PDCL2: variants seen among roughly 807,000 people sequenced by gnomAD.
PDCL2 encodes phosducin like 2.
PDCL2 carries 23 observed loss-of-function variants against 30.3 expected under a neutral mutation model. The ratio of observed to expected loss-of-function variants is 0.76; its 90% confidence interval spans 0.55 to 1.08. The LOEUF is 1.08. Ranked by LOEUF, PDCL2 falls within the 50% of genes least tolerant of loss-of-function variation. PDCL2 has a pLI of 0.00. For missense variants in PDCL2, 243 were observed against 282.3 expected (o/e 0.86, Z 1.00); for synonymous variants, 68 against 86.2 (o/e 0.79, Z 1.17).
chr4:55,556,657 T>G lies in PDCL2; in HGVS notation c.626A>C (p.Asn209Thr), dbSNP rs1277032459. The G allele has an allele frequency of 1.3e-6, 2 of 1,570,718 alleles. No individual in the cohort carries two copies. Among genetic ancestry groups the G allele is most frequent in the African/African-American group, 2.7e-5 (2 of 74,396 alleles). ...CATATCTACCATGTCTTTTCTGGGG[T>G]TTTCTTCCAAATCAGTCTGTATTGC... ...VGAIQTDLEENPRKDMVDMMV... is the reference protein window; with the variant it reads ...VGAIQTDLEETPRKDMVDMMV... The change falls in exon 6 of 6, where the codon AAC (asparagine) becomes ACC (threonine). Residue 209 changes from asparagine to threonine, a missense_variant. Coordinates refer to ENST00000295645, the MANE Select transcript of PDCL2 (RefSeq NM_152401.3).
intron 4 of PDCL2, among the ~76,000 whole-genome samples, chr4:55,566,194 C>T (rs1038160637): frequency 3.3e-5 from 5 of 151,754 alleles, no homozygotes; most frequent in African/African-American, 1.2e-4. Context: ...GTTGGCCAGG[C>T]TGGTCTCAAA....
intron 5 of PDCL2, among the ~76,000 whole-genome samples, chr4:55,559,980 G>T (rs1732081877): frequency 6.6e-6 from 1 of 152,164 alleles, no homozygotes; most frequent in Admixed American, 6.5e-5. Flanking sequence ...AGCAAATGGA[G>T]ACTGAGGAGT....
chr4:55,580,991 C>A, intron 2 of PDCL2, 80 bp from the exon 3 acceptor site: 7 of 1,028,454 alleles, frequency 6.8e-6, no homozygotes, highest in Non-Finnish European at 9.7e-6. Context: ...AAAAAACCGT[C>A]TTATACAAAG....
In PDCL2 at chr4:55,556,840, T is replaced by TA. The variant is rs541449313; in HGVS notation, c.572-130_572-129insT. 1,727 of 866,696 alleles carry TA rather than the reference T, an allele frequency of 2.0e-3. 3 individuals carry two copies. The highest frequency in any genetic ancestry group is 2.5e-3 in the Non-Finnish European group (1,536 of 624,704). The allele number at this position is 866,696 out of a possible 1,614,324, so 53.7% of individuals were successfully genotyped here. On this transcript the variant is annotated intron_variant, in intron 5 of 5. Transcript: ENST00000295645. The stretch of plus-strand genomic sequence containing the variant: ...GATGATATATTTATTTATAGGTTTT[T>TA]TTTTCTTTTTTGAGACAGAGTCTCC...
intron 1 of PDCL2, among the ~76,000 whole-genome samples, chr4:55,582,611 C>CT (rs1203086312): frequency 3.9e-5 from 6 of 151,934 alleles, no homozygotes; most frequent in East Asian, 1.9e-4. Flanking sequence ...TTCCTTTTTT[C>CT]TTTTTTTTAT....
At chr4:55,565,675 TTTTCTACATCCCTA>T (rs1732244006) in intron 4 of PDCL2, among the ~76,000 whole-genome samples, 1 of 152,188 alleles carries the variant, frequency 6.6e-6, no homozygotes, top group Non-Finnish European at 1.5e-5. Context: ...TCAAGGATCA[TTTTCTACATCCCTA>T]TGATTGCATT....
chr4:55,560,222 GAT>G (rs1292244259), intron 5 of PDCL2, among the ~76,000 whole-genome samples: 1 of 151,112 alleles, frequency 6.6e-6, no homozygotes, highest in Non-Finnish European at 1.5e-5. Flanking sequence ...CTAAATTCGT[GAT>G]AGTTTTTGCC....
chr4:55,591,736 T>C (rs1322949207), intron 1 of PDCL2, among the ~76,000 whole-genome samples: 1 of 152,182 alleles, frequency 6.6e-6, no homozygotes, highest in African/African-American at 2.4e-5. Flanking sequence ...TCTGTTCTTA[T>C]TTTTTAAGGT....
At chr4:55,581,525 C>T (rs1357558298) in intron 2 of PDCL2, among the ~76,000 whole-genome samples, 1 of 151,956 alleles carries the variant, frequency 6.6e-6, no homozygotes, top group Non-Finnish European at 1.5e-5. Flanking sequence ...AAAGAATGAT[C>T]AAAATAGATG....
chr4:55,579,199 C>A (rs1732643655), intron 3 of PDCL2, among the ~76,000 whole-genome samples: 1 of 151,162 alleles, frequency 6.6e-6, no homozygotes, highest in Admixed American at 6.6e-5. Flanking sequence ...TTAAGTACTT[C>A]CTTACCTACT....
Position 55,562,475 on chromosome 4 carries a change from T to C in PDCL2, c.500A>G (p.Tyr167Cys), listed in dbSNP as rs1732159072. 6.4e-7 allele frequency: 1 copy of C among 1,552,830 alleles called. No individual in the cohort carries two copies. The highest frequency in any genetic ancestry group is 8.7e-7 in the Non-Finnish European group (1 of 1,150,870). The change falls in exon 5 of 6, where the codon TAT becomes TGT. Residue 167 changes from tyrosine to cysteine, a missense_variant. Tyr to Cys is a radical substitution (Grantham distance 194). Coordinates refer to ENST00000295645, the MANE Select transcript of PDCL2 (RefSeq NM_152401.3). The stretch of plus-strand genomic sequence containing the variant: ...TTTGGCTTCTATCTGACCATTTTTA[T>C]ACACAAAAATTGTTGGTAAACAATT... ...HDNCLPTIFVYKNGQIEAKFI... is the reference protein window; with the variant it reads ...HDNCLPTIFVCKNGQIEAKFI...
rs750348660 is a variant in PDCL2, at chr4:55,580,968, G to A, written c.128-57C>T. ...TGTTTAAAAATTTTTTTACTATACA[G>A]TCAATGTCTAGAAAAAAACCGTCTT... On this transcript the variant is annotated intron_variant, in intron 2 of 5. Transcript: ENST00000295645. 4.4e-5 allele frequency: 57 copies of A among 1,290,330 alleles called. No homozygotes were observed. In the Middle Eastern group the frequency reaches 5.2e-3, roughly 118 times the overall value. The allele number at this position is 1,290,330 out of a possible 1,614,324, so 79.9% of individuals were successfully genotyped here.
intron 5 of PDCL2, among the ~76,000 whole-genome samples, chr4:55,559,990 T>C (rs999463334): frequency 8.6e-5 from 13 of 150,472 alleles, no homozygotes; most frequent in Non-Finnish European, 4.4e-5. Flanking sequence ...GACTGAGGAG[T>C]TTTTAACGAG....
Position 55,590,878 on chromosome 4 carries a change from T to A in PDCL2, c.6+1226A>T, listed in dbSNP as rs575203193. Among the ~76,000 whole-genome samples, 7 of 152,338 alleles carry A rather than the reference T, an allele frequency of 4.6e-5. No individual in the cohort carries two copies. The South Asian group carries it at 1.5e-3, about 32-fold the overall frequency. On this transcript the variant is annotated intron_variant, in intron 1 of 5. Transcript: ENST00000295645. ...ATTTACCATGCCATTAATAGTTATA[T>A]CTGTCTTCTTCTTGTTCCCTCATTA...
intron 4 of PDCL2, among the ~76,000 whole-genome samples, chr4:55,569,363 CAGA>C (rs1398378099): frequency 1.3e-5 from 2 of 152,064 alleles, no homozygotes; most frequent in Non-Finnish European, 2.9e-5. Flanking sequence ...ATAAATATGG[CAGA>C]AGGTTACTTG....
At chr4:55,578,350 A>G (rs1463636283) in intron 3 of PDCL2, among the ~76,000 whole-genome samples, 2 of 152,174 alleles carry the variant, frequency 1.3e-5, no homozygotes, top group Non-Finnish European at 2.9e-5. Context: ...ACAGGTTGTC[A>G]GCTGCCTGTC....
At chr4:55,580,357 G>C (rs1322693174) in intron 3 of PDCL2, among the ~76,000 whole-genome samples, 1 of 152,124 alleles carries the variant, frequency 6.6e-6, no homozygotes, top group Non-Finnish European at 1.5e-5. Flanking sequence ...CTTGTAAAAA[G>C]TACTTTAGAA....
chr4:55,574,313 C>T (rs1035827173), intron 3 of PDCL2, among the ~76,000 whole-genome samples: 2 of 152,080 alleles, frequency 1.3e-5, no homozygotes, highest in Non-Finnish European at 2.9e-5. Flanking sequence ...TCTGGGGAAG[C>T]TACATTTACC....
intron 1 of PDCL2, 33 bp from the exon 2 acceptor site, chr4:55,582,270 T>C: frequency 1.3e-6 from 2 of 1,564,878 alleles, no homozygotes; most frequent in Non-Finnish European, 1.7e-6. Context: ...AAAATTAACA[T>C]GGTTGTACAC....
Sources: allele counts gnomAD v4.1 joint callset (sites outside exome capture counted in the v4.1 genomes callset), GRCh38; gene constraint gnomAD v4.1.1; transcripts MANE v1.5; gene names NCBI Gene and HGNC (gene_info 2026-07-23, HGNC 2026-07-21).